NF1: variants seen among roughly 807,000 people sequenced by gnomAD.
NF1 encodes the protein neurofibromin.
NF1 carries 122 observed loss-of-function variants against 325.7 expected under a neutral mutation model. That is an observed-to-expected ratio of 0.37 (90% CI 0.32 to 0.44). The LOEUF is 0.44. Ranked by LOEUF, NF1 falls within the 20% of genes least tolerant of loss-of-function variation. The pLI, the probability that NF1 is intolerant of heterozygous loss-of-function variation, is 1.00. For missense variants in NF1, 2,140 were observed against 3,415.4 expected (o/e 0.63, Z 9.31); for synonymous variants, 1,091 against 1,186.0 (o/e 0.92, Z 1.65).
intron 11 of NF1, among the ~76,000 whole-genome samples, chr17:31,203,261 G>A (rs1597685022): frequency 6.6e-6 from 1 of 152,036 alleles, no homozygotes; most frequent in Admixed American, 6.6e-5. Flanking sequence ...ATGTGTGGAG[G>A]GTGGAGTGTG....
At chr17:31,364,093 G>C (rs1167878462) in intron 57 of NF1, among the ~76,000 whole-genome samples, 3 of 152,130 alleles carry the variant, frequency 2.0e-5, no homozygotes, top group Non-Finnish European at 4.4e-5. Flanking sequence ...CCAAAAGAAA[G>C]TTGTCCAGAT....
rs1226509920 is a variant in NF1, at chr17:31,150,174, G to A, written c.61-5809G>A. ...CTAGAATATTTGCCTTTTACTCACC[G>A]TGATCATCCCTAATCTGAAATGAGC... On this transcript the variant is annotated intron_variant, in intron 1 of 57. Coordinates refer to ENST00000358273, the MANE Select transcript of NF1 (RefSeq NM_001042492.3). Among the ~76,000 whole-genome samples the A allele has an allele frequency of 2.6e-5, 4 of 152,074 alleles. No homozygotes were observed. The South Asian group carries it at 6.2e-4, about 24-fold the overall frequency.
chr17:31,254,370 A>C (rs2067546790), intron 31 of NF1: 1 of 151,952 alleles, frequency 6.6e-6, no homozygotes, highest in Non-Finnish European at 1.5e-5. Flanking sequence ...GATTTTTAAA[A>C]TTCAAATCAA....
intron 12 of NF1, among the ~76,000 whole-genome samples, chr17:31,210,571 G>GTCT (rs1567840207): frequency 6.6e-6 from 1 of 152,090 alleles, no homozygotes; most frequent in Admixed American, 6.6e-5. Flanking sequence ...GGGCAACGGA[G>GTCT]CGAGACTCTG....
chr17:31,253,790 A>G (rs534039573), intron 31 of NF1: 65 of 152,324 alleles, frequency 4.3e-4, no homozygotes, highest in Admixed American at 2.4e-3. Context: ...TTCATTTTAC[A>G]TTTGCCATTA....
chr17:31,311,368 A>G (rs1018913531), intron 36 of NF1, among the ~76,000 whole-genome samples: 2 of 152,220 alleles, frequency 1.3e-5, no homozygotes, highest in Non-Finnish European at 2.9e-5. Context: ...AAGAGAATCA[A>G]GATTTGGAGA....
intron 1 of NF1, among the ~76,000 whole-genome samples, chr17:31,149,760 A>G (rs946106292): frequency 1.3e-5 from 2 of 152,168 alleles, no homozygotes; most frequent in Non-Finnish European, 1.5e-5. Flanking sequence ...AAATCTGAGA[A>G]GTCAAATATA....
chr17:31,252,868 A>G (rs1597738747), intron 30 of NF1, 70 bp from the exon 31 acceptor site: 1 of 1,251,552 alleles, frequency 8.0e-7, no homozygotes, highest in East Asian at 2.3e-5. Context: ...TTTATGTACA[A>G]GCCAACATTG....
At chr17:31,323,601 A>T (rs949957600) in intron 36 of NF1, among the ~76,000 whole-genome samples, 1 of 152,130 alleles carries the variant, frequency 6.6e-6, no homozygotes, top group African/African-American at 2.4e-5. Flanking sequence ...TCTCTCCACA[A>T]TTTGACTATT....
chr17:31,135,605 TGC>T (rs1315629458), intron 1 of NF1, among the ~76,000 whole-genome samples: 1 of 152,186 alleles, frequency 6.6e-6, no homozygotes, highest in Non-Finnish European at 1.5e-5. Flanking sequence ...CTTTCTCTGT[TGC>T]CCTAACTTGA....
intron 23 of NF1, 98 bp from the exon 24 acceptor site, chr17:31,230,744 C>T: frequency 1.1e-6 from 1 of 950,902 alleles, no homozygotes; most frequent in South Asian, 1.4e-5. Flanking sequence ...GGTTATCTGG[C>T]AAATTATTTG....
intron 1 of NF1, among the ~76,000 whole-genome samples, chr17:31,120,230 C>T (rs891181922): frequency 6.6e-6 from 1 of 152,172 alleles, no homozygotes; most frequent in Non-Finnish European, 1.5e-5. Flanking sequence ...ATCGATTCTT[C>T]CTATTCATGA....
chr17:31,326,735 A>G (rs2151539842), intron 37 of NF1, among the ~76,000 whole-genome samples: 1 of 152,314 alleles, frequency 6.6e-6, no homozygotes, highest in East Asian at 1.9e-4. Flanking sequence ...AGACGTATAC[A>G]TTTTATTCTA....
intron 5 of NF1, among the ~76,000 whole-genome samples, chr17:31,178,061 A>G (rs1294183720): frequency 6.6e-6 from 1 of 152,148 alleles, no homozygotes; most frequent in Non-Finnish European, 1.5e-5. Context: ...CAAGACATAT[A>G]ATCGTCAGAT....
chr17:31,334,777 T>G, intron 39 of NF1, 61 bp from the exon 40 acceptor site: 6 of 1,348,408 alleles, frequency 4.4e-6, no homozygotes, highest in Non-Finnish European at 6.4e-6. Context: ...TTCTTTATGT[T>G]AAATAATTGT....
chr17:31,207,292 C>T (rs1322461625), intron 12 of NF1, among the ~76,000 whole-genome samples: 1 of 152,016 alleles, frequency 6.6e-6, no homozygotes, highest in Admixed American at 6.6e-5. Flanking sequence ...GTCATTTCAA[C>T]TGAAAATATA....
chr17:31,132,663 T>A (rs560886349), intron 1 of NF1, among the ~76,000 whole-genome samples: 1 of 152,282 alleles, frequency 6.6e-6, no homozygotes, highest in African/African-American at 2.4e-5. Flanking sequence ...CTTTTTAATG[T>A]TACTTATTTA....
At chr17:31,350,062 C>T in intron 49 of NF1, 121 bp from the exon 50 acceptor site, 1 of 1,043,836 alleles carries the variant, frequency 9.6e-7, no homozygotes. Flanking sequence ...ATGTAGTCTT[C>T]CAAAATATGT....
chr17:31,317,403 A>ACACACACACACACC lies in NF1; in HGVS notation c.4836-8416_4836-8415insACACACACACACCC, dbSNP rs571315603. Reference sequence around the variant, plus strand: ...CACACACACACACACACACACACACACCCCTAATAAATCATTAGGCTACTT... The same window carrying ACACACACACACACC: ...CACACACACACACACACACACACACACACACACACACACCCCCCTAATAAATCATTAGGCTACTT... On this transcript the variant is annotated intron_variant, in intron 36 of 57. Transcript: ENST00000358273. 3.4e-5 allele frequency among the ~76,000 whole-genome samples: 5 copies of ACACACACACACACC among 147,288 alleles called. No homozygotes were observed. In the East Asian group the frequency reaches 9.7e-4, roughly 29 times the overall value.
Sources: gnomAD v4.1 joint callset for allele counts (sites outside exome capture counted in the v4.1 genomes callset) on GRCh38, gnomAD v4.1.1 for gene constraint, MANE v1.5 for transcripts, NCBI Gene and HGNC (gene_info 2026-07-23, HGNC 2026-07-21) for gene names.